The following MACROD2 variants were observed in gnomAD, a reference collection of about 807,000 sequenced individuals.
MACROD2 encodes ADP-ribose glycohydrolase MACROD2.
MACROD2 carries 36 observed loss-of-function variants against 70.4 expected under a neutral mutation model. That is an observed-to-expected ratio of 0.51 (90% CI 0.39 to 0.68). The LOEUF (loss-of-function observed/expected upper bound fraction) is 0.68. MACROD2 is among the 30% of genes least tolerant of loss of function. The pLI, the probability that MACROD2 is intolerant of heterozygous loss-of-function variation, is 0.00. For missense variants in MACROD2, 496 were observed against 538.4 expected, an observed-to-expected ratio of 0.92 and a Z score of 0.78; for synonymous variants, 172 against 178.8, an observed-to-expected ratio of 0.96 and a Z score of 0.30.
intron 8 of MACROD2, among the ~76,000 whole-genome samples, chr20:15,823,321 TC>T (rs2063961715): frequency 6.6e-6 from 1 of 151,218 alleles, no homozygotes; most frequent in Non-Finnish European, 1.5e-5. Flanking sequence ...TGTGTGTGTG[TC>T]TATAGCTGTC....
In MACROD2 at chr20:16,044,976, A is replaced by G. The variant is rs139306438; in HGVS notation, c.1300+337A>G. Reference sequence around the variant, plus strand: ...AGAAACTCCAAGCTGATTCTGAAGCATTGCTTTTCTAGAAGCTACCTGCTG... The same window carrying G: ...AGAAACTCCAAGCTGATTCTGAAGCGTTGCTTTTCTAGAAGCTACCTGCTG... On this transcript the variant is annotated intron_variant, in intron 17 of 17. Transcript: ENST00000684519. Among the ~76,000 whole-genome samples the G allele has an allele frequency of 6.2e-3, 944 of 152,268 alleles. 7 individuals carry two copies. The highest frequency in any genetic ancestry group is 0.022 in the African/African-American group (894 of 41,550).
chr20:14,932,003 T>TAAAAA (rs11483683), intron 5 of MACROD2, among the ~76,000 whole-genome samples: 5 of 135,978 alleles, frequency 3.7e-5, no homozygotes, highest in African/African-American at 1.1e-4. Context: ...CCCTGTTTCT[T>TAAAAA]AAAAAAAAAA....
intron 13 of MACROD2, among the ~76,000 whole-genome samples, chr20:15,977,892 A>C (rs1214345980): frequency 6.6e-6 from 1 of 152,242 alleles, no homozygotes; most frequent in Non-Finnish European, 1.5e-5. Context: ...GAGGGATTGT[A>C]GTCAGGTAGA....
intron 5 of MACROD2, among the ~76,000 whole-genome samples, chr20:14,852,006 T>C (rs2073204417): frequency 6.6e-6 from 1 of 152,098 alleles, no homozygotes; most frequent in Non-Finnish European, 1.5e-5. Flanking sequence ...AGGGGACATG[T>C]CAGAGAGTCA....
intron 6 of MACROD2, among the ~76,000 whole-genome samples, chr20:15,332,154 C>T (rs1184755779): frequency 6.6e-6 from 1 of 151,412 alleles, no homozygotes; most frequent in Non-Finnish European, 1.5e-5. Context: ...TTGACATGGG[C>T]ATATCATTTT....
intron 5 of MACROD2, among the ~76,000 whole-genome samples, chr20:15,129,149 A>G (rs988831267): frequency 2.6e-5 from 4 of 152,094 alleles, no homozygotes; most frequent in African/African-American, 9.7e-5. Context: ...GAACTGGCTT[A>G]TTAATGTAAC....
intron 6 of MACROD2, among the ~76,000 whole-genome samples, chr20:15,233,717 A>T (rs1005738642): frequency 6.6e-6 from 1 of 151,572 alleles, no homozygotes; most frequent in African/African-American, 2.4e-5. Context: ...TCATTTTACG[A>T]TGGCATTTCT....
At chr20:15,190,129 A>G (rs189721578) in intron 5 of MACROD2, among the ~76,000 whole-genome samples, 32 of 152,338 alleles carry the variant, frequency 2.1e-4, no homozygotes, top group African/African-American at 7.5e-4. Context: ...CAGTTTAAAA[A>G]TAAGAATGGG....
At chr20:15,294,672 T>C (rs2077570473) in intron 6 of MACROD2, among the ~76,000 whole-genome samples, 1 of 152,214 alleles carries the variant, frequency 6.6e-6, no homozygotes, top group Non-Finnish European at 1.5e-5. Flanking sequence ...CTTTTAACAA[T>C]GCTCACTTGG....
rs548167729 is a variant in MACROD2 at position 15,295,195 on chromosome 20, C to T, written c.540+65134C>T. ...CCATGTGAGACATGCCTTTGCTCTT[C>T]CTTCACCTTCTGCTATAATTGTGAG... On this transcript the variant is annotated intron_variant, in intron 6 of 17. Coordinates refer to ENST00000684519, the MANE Select transcript of MACROD2 (RefSeq NM_001351661.2). Among the ~76,000 whole-genome samples the T allele has an allele frequency of 3.9e-5, 6 of 152,332 alleles. No homozygotes were observed. The South Asian group carries it at 6.2e-4, about 16-fold the overall frequency.
At chr20:15,901,137 C>T (rs1305228355) in intron 10 of MACROD2, among the ~76,000 whole-genome samples, 1 of 152,126 alleles carries the variant, frequency 6.6e-6, no homozygotes, top group Non-Finnish European at 1.5e-5. Flanking sequence ...GGGTTTGTCT[C>T]TCTCCTTTTT....
chr20:15,410,113 C>T (rs6034180), intron 6 of MACROD2, among the ~76,000 whole-genome samples: 9,062 of 152,102 alleles, frequency 0.06, 820 homozygotes, highest in African/African-American at 0.2. Context: ...CGTAGATATA[C>T]ATGATGGAGG....
intron 10 of MACROD2, among the ~76,000 whole-genome samples, chr20:15,918,268 C>A (rs568471760): frequency 7.0e-4 from 107 of 152,200 alleles, no homozygotes; most frequent in Non-Finnish European, 1.4e-3. Flanking sequence ...AATGTTTCTT[C>A]CTGAAATTAT....
chr20:15,769,157 G>GT lies in MACROD2; in HGVS notation c.646-93580dup, dbSNP rs1296378153. Among the ~76,000 whole-genome samples the GT allele has an allele frequency of 2.0e-4, 30 of 151,900 alleles. No homozygotes were observed. The South Asian group carries it at 2.5e-3, about 13-fold the overall frequency. On this transcript the variant is annotated intron_variant, in intron 8 of 17. Coordinates refer to ENST00000684519, the MANE Select transcript of MACROD2 (RefSeq NM_001351661.2). ...GTTTTGTTTTGTTTTGTGTTTTTTT[G>GT]TTTTTTTTGAGACGGAGTCTCACTC... is the stretch of plus-strand genomic sequence containing the variant.
chr20:14,239,359 A>C (rs537842831), intron 3 of MACROD2, among the ~76,000 whole-genome samples: 2 of 152,346 alleles, frequency 1.3e-5, no homozygotes, highest in South Asian at 2.1e-4. Flanking sequence ...TCTTCAACGA[A>C]TTAGAGAAAC....
intron 5 of MACROD2, among the ~76,000 whole-genome samples, chr20:15,055,903 C>T (rs1294327797): frequency 1.3e-5 from 2 of 151,544 alleles, no homozygotes; most frequent in African/African-American, 4.8e-5. Flanking sequence ...TCTCCTGCCT[C>T]AGCCTCCCGA....
intron 13 of MACROD2, among the ~76,000 whole-genome samples, chr20:15,976,512 T>C (rs1216415042): frequency 2.0e-5 from 3 of 152,160 alleles, no homozygotes; most frequent in Non-Finnish European, 4.4e-5. Flanking sequence ...CTTGCCCCCA[T>C]GGGGCCAAGA....
chr20:14,480,033 A>G (rs1431726081), intron 3 of MACROD2, among the ~76,000 whole-genome samples: 1 of 151,984 alleles, frequency 6.6e-6, no homozygotes, highest in African/African-American at 2.4e-5. Flanking sequence ...GCATGCCACC[A>G]TGCCCAGCAA....
intron 12 of MACROD2, among the ~76,000 whole-genome samples, chr20:15,966,311 G>C (rs184073715): frequency 6.6e-6 from 1 of 152,124 alleles, no homozygotes; most frequent in South Asian, 2.1e-4. Flanking sequence ...ATGGTCACAC[G>C]CTTACAAGAT....
Sources: gnomAD v4.1 joint callset for allele counts (sites outside exome capture counted in the v4.1 genomes callset) on GRCh38, gnomAD v4.1.1 for gene constraint, MANE v1.5 for transcripts, NCBI Gene and HGNC (gene_info 2026-07-23, HGNC 2026-07-21) for gene names.